Variants in CDH23 observed in about 807,000 individuals in gnomAD.
CDH23 encodes cadherin-23.
In CDH23, 189 loss-of-function variants were observed where a neutral mutation model predicts 317.1. The ratio of observed to expected loss-of-function variants is 0.60; its 90% CI spans 0.53 to 0.67. The LOEUF (loss-of-function observed/expected upper bound fraction) is 0.67. Ranked by LOEUF, CDH23 falls within the 30% of genes least tolerant of loss-of-function variation. The pLI is 0.00. For synonymous variants in CDH23, 1,839 were observed against 1,876.8 expected (o/e 0.98, Z 0.52); for missense variants, 4,401 against 4,592.4 (o/e 0.96, Z 1.20).
chr10:71,529,235 A>G (rs1209439232), intron 6 of CDH23, among the ~76,000 whole-genome samples: 1 of 152,166 alleles, frequency 6.6e-6, no homozygotes, highest in African/African-American at 2.4e-5. Flanking sequence ...CTTTGAAGAC[A>G]AAGGTTCTAG....
At chr10:71,590,035 C>T (rs1048536158) in intron 9 of CDH23, among the ~76,000 whole-genome samples, 13 of 152,290 alleles carry the variant, frequency 8.5e-5, no homozygotes, top group African/African-American at 3.1e-4. Context: ...TGGCTGTAAG[C>T]CCATTTTTCT....
Position 71,690,553 on chromosome 10 carries a change from C to T in CDH23, c.2145C>T (p.Gly715=). Residue 715 remains glycine, a synonymous_variant, in exon 20 of 70, where the codon GGC becomes GGT. Coordinates refer to ENST00000224721, the MANE Select transcript of CDH23 (RefSeq NM_022124.6). ...AGTCCATCATCTACTCCTTGGAAGG[C>T]TCCACCCAGTTTCGGATCAATGCCC... The part of the protein sequence containing the change: ...GQESIIYSLE[G]STQFRINARS... 6.2e-7 allele frequency: 1 copy of T among 1,608,184 alleles called. No homozygotes were observed. Among genetic ancestry groups the T allele is most frequent in the Non-Finnish European group, 8.5e-7 (1 of 1,177,416 alleles).
At chr10:71,522,579 G>A (rs1397462853) in intron 6 of CDH23, among the ~76,000 whole-genome samples, 1 of 152,142 alleles carries the variant, frequency 6.6e-6, no homozygotes, top group Non-Finnish European at 1.5e-5. Context: ...AAATGCATGT[G>A]GTGCTGACAC....
intron 30 of CDH23, among the ~76,000 whole-genome samples, chr10:71,727,973 G>A (rs1447306287): frequency 6.6e-6 from 1 of 152,126 alleles, no homozygotes; most frequent in Non-Finnish European, 1.5e-5. Flanking sequence ...GTGGCATGTA[G>A]CCAGACTCAT....
rs142085345 is a variant in CDH23 at position 71,533,615 on chromosome 10, T to A, written c.429+22403T>A. ...CAGAAGGCACTTAGTTGGGGCAGCCTGTTAAAAGCGTAGGTGATTAGAGCT... is the reference window on the plus strand; with the variant it reads ...CAGAAGGCACTTAGTTGGGGCAGCCAGTTAAAAGCGTAGGTGATTAGAGCT... On this transcript the variant is annotated intron_variant, in intron 6 of 69. Coordinates refer to ENST00000224721, the MANE Select transcript of CDH23 (RefSeq NM_022124.6). Among the ~76,000 whole-genome samples the A allele has an allele frequency of 4.7e-4, 71 of 151,414 alleles. No individual in the cohort carries two copies. In the East Asian group the frequency reaches 0.014, roughly 29 times the overall value.
chr10:71,734,658 G>A lies in CDH23; in HGVS notation c.4209G>A (p.Lys1403=), dbSNP rs1839504842. 6.9e-7 allele frequency: 1 copy of A among 1,457,902 alleles called. No homozygotes were observed. The highest frequency in any genetic ancestry group is 1.1e-5 in the South Asian group (1 of 88,754). 90.3% of individuals were successfully genotyped at this position (1,457,902 alleles called of 1,614,324 possible). ...DGGPKVDSTV[K]VYITVLDEND... Reference sequence around the variant, plus strand: ...CCTGCTGCTGCCTCTGCCTACAGAAGGTGAGTAGCCTGTGGCTGGAGCTTC... The same window carrying A: ...CCTGCTGCTGCCTCTGCCTACAGAAAGTGAGTAGCCTGTGGCTGGAGCTTC... The change falls in exon 34 of 70, where the codon AAG becomes AAA. Residue 1403 remains lysine, a splice_region_variant and synonymous_variant. Coordinates refer to ENST00000224721, the MANE Select transcript of CDH23 (RefSeq NM_022124.6).
chr10:71,710,682 C>A (rs1270566092), intron 27 of CDH23, among the ~76,000 whole-genome samples: 2 of 152,250 alleles, frequency 1.3e-5, no homozygotes, highest in East Asian at 3.8e-4. Context: ...GTGCCCACTG[C>A]AGCCTTGGAG....
Position 71,673,488 on chromosome 10 carries a change from C to T in CDH23, c.1450-1624C>T, listed in dbSNP as rs1012780322. ...GATTCCTCCTGCTCCCCTTCTCCTC[C>T]GTCCCTGTAAAATGAGGATGAATCT... is the stretch of plus-strand genomic sequence containing the variant. On this transcript the variant is annotated intron_variant, in intron 14 of 69. Coordinates refer to ENST00000224721, the MANE Select transcript of CDH23 (RefSeq NM_022124.6). Among the ~76,000 whole-genome samples the T allele has an allele frequency of 3.3e-5, 5 of 152,236 alleles. No individual in the cohort carries two copies. The South Asian group carries it at 6.2e-4, about 19-fold the overall frequency.
intron 1 of CDH23, among the ~76,000 whole-genome samples, chr10:71,416,645 C>T (rs1848545633): frequency 6.6e-6 from 1 of 152,092 alleles, no homozygotes. Context: ...TTTTGCTCAT[C>T]TTTGAATGTA....
Position 71,682,567 on chromosome 10 carries a change from G to T in CDH23, c.1981G>T (p.Val661Leu). ...CAGCACCGTCCCTGTCACCATCGAG[G>T]TGTTTGTAAGTACCCAGGGCCACTG... ...LNSTVPVTIE[V>L]FDENDNPPTF... is the part of the protein sequence containing the mutation. The change falls in exon 18 of 70, where the codon GTG becomes TTG. Residue 661 changes from valine to leucine, a missense_variant. This residue lies in a region of CDH23 where 3,068 missense variants were observed against 3,203.3 expected (regional missense o/e 0.96). Coordinates refer to ENST00000224721, the MANE Select transcript of CDH23 (RefSeq NM_022124.6). The T allele has an allele frequency of 3.7e-6, 6 of 1,613,208 alleles. No homozygotes were observed. Among genetic ancestry groups the T allele is most frequent in the East Asian group, 2.2e-5 (1 of 44,878 alleles).
intron 1 of CDH23, among the ~76,000 whole-genome samples, chr10:71,431,792 C>T (rs74144949): frequency 0.022 from 3,409 of 152,294 alleles, 139 homozygotes; most frequent in African/African-American, 0.077. Context: ...GGCCAGGAGG[C>T]GTTGCCTGTT....
At chr10:71,745,820 C>A (rs995083866) in intron 38 of CDH23, among the ~76,000 whole-genome samples, 1 of 152,226 alleles carries the variant, frequency 6.6e-6, no homozygotes, top group Non-Finnish European at 1.5e-5. Context: ...CAGCCAACCA[C>A]CCTGAGATTC....
At chr10:71,624,607 G>A (rs1736367456) in intron 11 of CDH23, among the ~76,000 whole-genome samples, 1 of 152,170 alleles carries the variant, frequency 6.6e-6, no homozygotes, top group African/African-American at 2.4e-5. Flanking sequence ...GGCTGAGGCA[G>A]GAGGATTGCT....
chr10:71,562,262 A>G (rs1433156225), intron 6 of CDH23, among the ~76,000 whole-genome samples: 1 of 152,206 alleles, frequency 6.6e-6, no homozygotes, highest in African/African-American at 2.4e-5. Flanking sequence ...GACTGTGTGA[A>G]GTCCATGATC....
At chr10:71,613,038 G>T (rs1269634919) in intron 9 of CDH23, among the ~76,000 whole-genome samples, 2 of 152,124 alleles carry the variant, frequency 1.3e-5, no homozygotes, top group East Asian at 3.8e-4. Flanking sequence ...TAGTAGAGAT[G>T]GGGTTTTGCC....
At chr10:71,763,558 G>C (rs1840452359) in intron 38 of CDH23, among the ~76,000 whole-genome samples, 1 of 152,222 alleles carries the variant, frequency 6.6e-6, no homozygotes, top group Non-Finnish European at 1.5e-5. Flanking sequence ...CCAGGAGGGA[G>C]GCAGCCTGGT....
intron 6 of CDH23, among the ~76,000 whole-genome samples, chr10:71,554,364 ATTTT>A (rs71480584): frequency 6.9e-6 from 1 of 145,290 alleles, no homozygotes; most frequent in Non-Finnish European, 1.5e-5. Context: ...CACTGGACTA[ATTTT>A]TTTTTTTTTT....
At chr10:71,493,264 AC>A (rs889652909) in intron 3 of CDH23, among the ~76,000 whole-genome samples, 1 of 151,982 alleles carries the variant, frequency 6.6e-6, no homozygotes, top group African/African-American at 2.4e-5. Context: ...CTGACCTGCC[AC>A]CCTTAGAAGC....
chr10:71,812,443 T>TTCCCC, intron 66 of CDH23, 37 bp from the exon 67 acceptor site: 134 of 1,537,646 alleles, frequency 8.7e-5, no homozygotes, highest in East Asian at 2.8e-4. Context: ...ACTCGAGCCT[T>TTCCCC]CCCTCCCTCC....
Sources: allele counts gnomAD v4.1 joint callset (sites outside exome capture counted in the v4.1 genomes callset), GRCh38; gene constraint gnomAD v4.1.1; regional missense constraint gnomAD v4.1.1; transcripts MANE v1.5; gene names NCBI Gene and HGNC (gene_info 2026-07-23, HGNC 2026-07-21).